The following ALDH9A1 variants were observed in gnomAD, a reference collection of about 807,000 sequenced individuals.
The protein encoded by ALDH9A1 is aldehyde dehydrogenase 9 family member A1.
Under a neutral mutation model 56.6 loss-of-function variants are expected in ALDH9A1, and 42 were observed. The ratio of observed to expected loss-of-function variants is 0.74; its 90% CI spans 0.58 to 0.96. ALDH9A1 has a LOEUF of 0.96. ALDH9A1 is among the 40% of genes least tolerant of loss of function. The pLI, the probability that ALDH9A1 is intolerant of heterozygous loss-of-function variation, is 0.00. For missense variants in ALDH9A1, 661 were observed against 651.5 expected (o/e 1.01, Z -0.16); for synonymous variants, 242 against 236.0 (o/e 1.03, Z -0.23).
At chr1:165,692,632 A>C (rs1224399976) in intron 2 of ALDH9A1, among the ~76,000 whole-genome samples, 1 of 152,204 alleles carries the variant, frequency 6.6e-6, no homozygotes, top group African/African-American at 2.4e-5. Flanking sequence ...AAAAATGGCC[A>C]TACTGCCCAA....
chr1:165,694,469 T>C (rs1649998833), intron 2 of ALDH9A1, among the ~76,000 whole-genome samples: 1 of 151,162 alleles, frequency 6.6e-6, no homozygotes, highest in South Asian at 2.1e-4. Context: ...AAATAAAAAT[T>C]GTATATATTT....
At chr1:165,696,274 C>T (rs1650081697) in intron 1 of ALDH9A1, among the ~76,000 whole-genome samples, 1 of 152,130 alleles carries the variant, frequency 6.6e-6, no homozygotes, top group Non-Finnish European at 1.5e-5. Flanking sequence ...TGTCCCCTGC[C>T]CTAAACTCAT....
intron 1 of ALDH9A1, among the ~76,000 whole-genome samples, chr1:165,696,056 T>C (rs892429282): frequency 6.6e-6 from 1 of 152,130 alleles, no homozygotes; most frequent in African/African-American, 2.4e-5. Flanking sequence ...TTCATCATGT[T>C]GGCCAGGCTG....
intron 2 of ALDH9A1, among the ~76,000 whole-genome samples, chr1:165,688,498 C>T (rs1206172904): frequency 6.6e-6 from 1 of 152,108 alleles, no homozygotes; most frequent in East Asian, 1.9e-4. Flanking sequence ...TAATTGTTTA[C>T]AGCAATACTT....
rs750605321 is a variant in ALDH9A1 at position 165,669,274 on chromosome 1, C to T, written c.1107G>A (p.Val369=). 2 of 1,603,828 alleles carry T rather than the reference C, an allele frequency of 1.2e-6. No individual in the cohort carries two copies. Among genetic ancestry groups the T allele is most frequent in the Admixed American group, 3.5e-5 (2 of 57,690 alleles). Residue 369 remains valine (V), a synonymous_variant, in exon 7 of 11, where the codon GTG becomes GTA. Transcript: ENST00000354775. ...HLERVLGFVK[V]AKEQGAKVLC... is the part of the protein sequence containing the mutation. The stretch of plus-strand genomic sequence containing the variant: ...AATTATTTCTTACCTGCTCCTTTGC[C>T]ACTTTGACAAACCCAAGGACTCGCT...
intron 6 of ALDH9A1, among the ~76,000 whole-genome samples, chr1:165,674,243 G>A (rs936117097): frequency 8.4e-5 from 12 of 143,498 alleles, no homozygotes; most frequent in Non-Finnish European, 1.5e-4. Flanking sequence ...GCAACCAGCA[G>A]CCCCTGGGGC....
At chr1:165,685,360 A>G (rs995414752) in intron 2 of ALDH9A1, among the ~76,000 whole-genome samples, 2 of 152,238 alleles carry the variant, frequency 1.3e-5, no homozygotes, top group African/African-American at 4.8e-5. Flanking sequence ...TACTAGTTAT[A>G]TGATCTAAGA....
intron 1 of ALDH9A1, chr1:165,698,104 C>CA (rs1650151815): frequency 1.5e-6 from 1 of 675,476 alleles, no homozygotes; most frequent in African/African-American, 1.9e-5. Flanking sequence ...CTTCCCCCAC[C>CA]AGTACTTTGC....
chr1:165,687,752 C>T (rs1373676596), intron 2 of ALDH9A1, among the ~76,000 whole-genome samples: 1 of 152,150 alleles, frequency 6.6e-6, no homozygotes, highest in East Asian at 1.9e-4. Context: ...CTTTGGGAAG[C>T]CGAGGTGGGC....
intron 2 of ALDH9A1, among the ~76,000 whole-genome samples, chr1:165,690,037 T>G (rs1649836809): frequency 1.3e-5 from 1 of 79,036 alleles, no homozygotes; most frequent in Non-Finnish European, 2.6e-5. Context: ...CCAAAAAGCC[T>G]CATGTCTCTT....
At chr1:165,685,427 T>C (rs575017942) in intron 2 of ALDH9A1, among the ~76,000 whole-genome samples, 3 of 152,354 alleles carry the variant, frequency 2.0e-5, no homozygotes, top group Non-Finnish European at 4.4e-5. Context: ...AAAATAGCTA[T>C]ATACATCTCA....
rs1164314980 is a variant in ALDH9A1 at position 165,667,310 on chromosome 1, T to C, written c.1348A>G (p.Arg450Gly). ...TFGLAAGVFTRDIQRAHRVVA... is the reference protein window; with the variant it reads ...TFGLAAGVFTGDIQRAHRVVA... Reference sequence around the variant, plus strand: ...CTCTCAGTGTCCCACTCCACATACCTGGTAAAGACGCCAGCTGCTAGTCCA... The same window carrying C: ...CTCTCAGTGTCCCACTCCACATACCCGGTAAAGACGCCAGCTGCTAGTCCA... Residue 450 changes from arginine to glycine, a missense_variant and splice_region_variant, in exon 9 of 11, where the codon AGG (arginine) becomes GGG (glycine). Transcript: ENST00000354775. 1 of 1,614,022 alleles carries C rather than the reference T, an allele frequency of 6.2e-7. No homozygotes were observed. Among genetic ancestry groups the C allele is most frequent in the East Asian group, 2.2e-5 (1 of 44,882 alleles).
At chr1:165,686,339 T>C (rs1344447041) in intron 2 of ALDH9A1, among the ~76,000 whole-genome samples, 2 of 151,668 alleles carry the variant, frequency 1.3e-5, no homozygotes, top group African/African-American at 2.4e-5. Flanking sequence ...GTTGAGAAGA[T>C]AGGGTGGGAG....
In ALDH9A1 at chr1:165,679,510, AGAT is replaced by A; in HGVS notation, c.859_861del (p.Ile287del). ...GCATTGTTCATATCACAGTCTGAGA[AGAT>A]GATGAGTGGAGATTTGCCTCCAAGT... On this transcript the variant is annotated inframe_deletion, in exon 6 of 11. Transcript: ENST00000354775. 3 of 1,614,168 alleles carry A rather than the reference AGAT, an allele frequency of 1.9e-6. No individual in the cohort carries two copies. Among genetic ancestry groups the A allele is most frequent in the South Asian group, 1.1e-5 (1 of 91,080 alleles).
intron 2 of ALDH9A1, among the ~76,000 whole-genome samples, chr1:165,689,803 A>T (rs1003341389): frequency 1.3e-5 from 2 of 151,776 alleles, no homozygotes; most frequent in African/African-American, 4.8e-5. Context: ...GCGTGGTGTC[A>T]TGTGCCTGTA....
intron 1 of ALDH9A1, 33 bp downstream of exon 1, chr1:165,698,345 G>A (rs766195135): frequency 6.4e-7 from 1 of 1,569,238 alleles, no homozygotes; most frequent in Non-Finnish European, 8.6e-7. Flanking sequence ...CCGGCCCCAG[G>A]GCGCCCCAGC....
At chr1:165,675,471 T>C (rs1649329362) in intron 6 of ALDH9A1, among the ~76,000 whole-genome samples, 3 of 152,146 alleles carry the variant, frequency 2.0e-5, no homozygotes, top group Non-Finnish European at 4.4e-5. Flanking sequence ...CCTATTCATT[T>C]GTGGAAAAAG....
intron 2 of ALDH9A1, among the ~76,000 whole-genome samples, chr1:165,684,335 A>G (rs1212724446): frequency 6.6e-6 from 1 of 152,210 alleles, no homozygotes; most frequent in Non-Finnish European, 1.5e-5. Context: ...ATTTTCCTTC[A>G]GAAAGGATAA....
chr1:165,682,382 T>C lies in ALDH9A1; in HGVS notation c.458-141A>G, dbSNP rs1277235072. ...TACACCAGGCTCACCCTGTCTCCATTCTTCTATTTGTTCCAGGCAGTCTTC... is the reference window on the plus strand; with the variant it reads ...TACACCAGGCTCACCCTGTCTCCATCCTTCTATTTGTTCCAGGCAGTCTTC... On this transcript the variant is annotated intron_variant, in intron 3 of 10. Transcript: ENST00000354775. The C allele has an allele frequency of 4.4e-6, 4 of 911,314 alleles. No homozygotes were observed. In the Admixed American group the frequency reaches 1.2e-4, roughly 27 times the overall value. 56.5% of individuals were successfully genotyped at this position (911,314 alleles called of 1,614,324 possible). A position where few individuals can be genotyped will look rare whatever the true frequency, so the allele number is the denominator to read the frequency against.
Sources: gnomAD v4.1 joint callset for allele counts (sites outside exome capture counted in the v4.1 genomes callset) on GRCh38, gnomAD v4.1.1 for gene constraint, MANE v1.5 for transcripts, NCBI Gene and HGNC (gene_info 2026-07-23, HGNC 2026-07-21) for gene names.